Variants in RAD51B observed in about 807,000 individuals in gnomAD.
RAD51B encodes RAD51 paralog B.
Under a neutral mutation model 42.2 loss-of-function variants are expected in RAD51B, and 38 were observed. The ratio of observed to expected loss-of-function variants is 0.90; its 90% CI spans 0.70 to 1.18. The LOEUF (loss-of-function observed/expected upper bound fraction) is 1.18, where lower values mean the gene tolerates loss of function less well. RAD51B is among the 50% of genes most tolerant of loss of function. The pLI, the probability that RAD51B is intolerant of heterozygous loss-of-function variation, is 0.00. For missense variants in RAD51B, 373 were observed against 400.7 expected, an observed-to-expected ratio of 0.93 and a Z score of 0.59; for synonymous variants, 154 against 145.2, an observed-to-expected ratio of 1.06 and a Z score of -0.43.
chr14:68,364,808 A>ATG (rs1163515979), intron 8 of RAD51B, among the ~76,000 whole-genome samples: 2 of 152,044 alleles, frequency 1.3e-5, no homozygotes, highest in African/African-American at 2.4e-5. Flanking sequence ...AAAGAATCTT[A>ATG]TGTGTGTGTG....
At chr14:68,287,139 C>G (rs1323286967) in intron 7 of RAD51B, among the ~76,000 whole-genome samples, 1 of 152,126 alleles carries the variant, frequency 6.6e-6, no homozygotes, top group Non-Finnish European at 1.5e-5. Context: ...AGCTTATATG[C>G]CTTGCTGGCT....
At chr14:68,249,865 G>T (rs958915601) in intron 7 of RAD51B, among the ~76,000 whole-genome samples, 2 of 152,186 alleles carry the variant, frequency 1.3e-5, no homozygotes, top group African/African-American at 4.8e-5. Context: ...CATGACTTTT[G>T]AAAATACCTC....
At chr14:68,409,088 A>G (rs753589645) in intron 8 of RAD51B, among the ~76,000 whole-genome samples, 3 of 152,308 alleles carry the variant, frequency 2.0e-5, no homozygotes, top group Non-Finnish European at 4.4e-5. Flanking sequence ...TCTAAAGTTA[A>G]TTGTGGTAAT....
chr14:68,436,998 T>C (rs955163898), intron 9 of RAD51B, among the ~76,000 whole-genome samples: 1 of 152,174 alleles, frequency 6.6e-6, no homozygotes, highest in Non-Finnish European at 1.5e-5. Flanking sequence ...CTTACTTGGA[T>C]CCCTATTATT....
At chr14:68,449,404 T>C (rs896279508) in intron 9 of RAD51B, among the ~76,000 whole-genome samples, 7 of 152,256 alleles carry the variant, frequency 4.6e-5, no homozygotes, top group Admixed American at 3.9e-4. Context: ...GATGCTGGTC[T>C]GGACTGAATG....
intron 9 of RAD51B, among the ~76,000 whole-genome samples, chr14:68,426,859 G>A (rs1026055536): frequency 1.3e-5 from 2 of 152,154 alleles, no homozygotes; most frequent in East Asian, 1.9e-4. Context: ...TCACAATCCC[G>A]GAGCTCTAGG....
intron 7 of RAD51B, among the ~76,000 whole-genome samples, chr14:67,987,148 G>T (rs534507063): frequency 3.3e-5 from 5 of 152,218 alleles, no homozygotes; most frequent in East Asian, 1.9e-4. Context: ...GGAGAATGGG[G>T]TATCTATCCC....
Position 68,281,175 on chromosome 14 carries a change from C to T in RAD51B, c.757-10709C>T, listed in dbSNP as rs534800848. Among the ~76,000 whole-genome samples the T allele has an allele frequency of 3.3e-5, 5 of 152,192 alleles. No individual in the cohort carries two copies. In the East Asian group the frequency reaches 7.7e-4, roughly 23 times the overall value. Reference sequence around the variant, plus strand: ...TATCATGGAAAAGGTAGGATTTGAACTGGCCCCTCAAAGATGGAAACTTAC... The same window carrying T: ...TATCATGGAAAAGGTAGGATTTGAATTGGCCCCTCAAAGATGGAAACTTAC... On this transcript the variant is annotated intron_variant, in intron 7 of 10. Transcript: ENST00000471583.
At chr14:67,943,793 A>G (rs1160606600) in intron 7 of RAD51B, among the ~76,000 whole-genome samples, 4 of 152,124 alleles carry the variant, frequency 2.6e-5, no homozygotes, top group South Asian at 2.1e-4. Flanking sequence ...TTTGGTTCCT[A>G]TTGTGACACG....
chr14:67,936,376 A>G (rs2044951430), intron 7 of RAD51B, among the ~76,000 whole-genome samples: 1 of 152,200 alleles, frequency 6.6e-6, no homozygotes, highest in Admixed American at 6.5e-5. Flanking sequence ...GGCTTCTTTC[A>G]TATAGCATAA....
chr14:68,635,909 T>C (rs967772393), intron 10 of RAD51B, among the ~76,000 whole-genome samples: 5 of 152,086 alleles, frequency 3.3e-5, no homozygotes, highest in African/African-American at 1.2e-4. Flanking sequence ...AGCCATCATC[T>C]TGCTACCTCT....
At chr14:67,840,850 C>T (rs1010826256) in intron 4 of RAD51B, among the ~76,000 whole-genome samples, 1 of 151,982 alleles carries the variant, frequency 6.6e-6, no homozygotes, top group Non-Finnish European at 1.5e-5. Context: ...GTTGCCCAGC[C>T]CGGAGGGCAG....
chr14:68,449,047 T>G (rs1406948526), intron 9 of RAD51B, among the ~76,000 whole-genome samples: 1 of 152,156 alleles, frequency 6.6e-6, no homozygotes, highest in African/African-American at 2.4e-5. Flanking sequence ...TATGGATAAT[T>G]TTTCATGTAA....
At chr14:68,294,744 T>G (rs2081581507) in intron 8 of RAD51B, among the ~76,000 whole-genome samples, 1 of 152,238 alleles carries the variant, frequency 6.6e-6, no homozygotes, top group African/African-American at 2.4e-5. Context: ...GCCGTGTTGC[T>G]GATGTTGCCC....
At chr14:68,392,515 C>T (rs569565003) in intron 8 of RAD51B, among the ~76,000 whole-genome samples, 1 of 152,184 alleles carries the variant, frequency 6.6e-6, no homozygotes, top group Non-Finnish European at 1.5e-5. Flanking sequence ...CCACTTTGAA[C>T]TGAATGATTT....
At chr14:68,249,645 C>CT (rs1303747042) in intron 7 of RAD51B, among the ~76,000 whole-genome samples, 1 of 152,240 alleles carries the variant, frequency 6.6e-6, no homozygotes, top group East Asian at 1.9e-4. Context: ...ACCCTCACCA[C>CT]TTTCCGACTG....
chr14:68,263,804 G>A (rs1763618000), intron 7 of RAD51B, among the ~76,000 whole-genome samples: 1 of 152,158 alleles, frequency 6.6e-6, no homozygotes, highest in African/African-American at 2.4e-5. Flanking sequence ...AAAACATCTG[G>A]TTTAAATAAG....
At chr14:67,867,516 T>A (rs2042367403) in intron 5 of RAD51B, among the ~76,000 whole-genome samples, 1 of 152,212 alleles carries the variant, frequency 6.6e-6, no homozygotes, top group South Asian at 2.1e-4. Context: ...ATTCATAATA[T>A]CTGCCTCCTC....
intron 7 of RAD51B, among the ~76,000 whole-genome samples, chr14:67,994,487 T>A (rs1442608501): frequency 1.3e-5 from 2 of 152,218 alleles, no homozygotes; most frequent in Non-Finnish European, 2.9e-5. Context: ...CTTTTAACAG[T>A]ACCTTATAAA....
Sources: allele counts gnomAD v4.1 joint callset (sites outside exome capture counted in the v4.1 genomes callset), GRCh38; gene constraint gnomAD v4.1.1; transcripts MANE v1.5; gene names NCBI Gene and HGNC (gene_info 2026-07-23, HGNC 2026-07-21).